The following CCDC88B variants were observed in gnomAD, a reference collection of about 807,000 sequenced individuals.
CCDC88B encodes coiled-coil and HOOK domain protein 88B, also known as coiled-coil domain-containing protein 88B.
CCDC88B carries 138 observed loss-of-function variants against 183.7 expected under a neutral mutation model. The observed-to-expected ratio is 0.75, with a 90% CI of 0.65 to 0.87. CCDC88B has a LOEUF of 0.87. Among genes scored for constraint, CCDC88B ranks in the 40% least tolerant of loss-of-function variants. CCDC88B has a pLI of 0.00. For synonymous variants in CCDC88B, 835 were observed against 867.5 expected (o/e 0.96, Z 0.66); for missense variants, 1,822 against 1,965.6 (o/e 0.93, Z 1.38).
chr11:64,341,483 G>C lies in CCDC88B; in HGVS notation c.510G>C (p.Glu170Asp), dbSNP rs765159929. ...GCCTCAGTCTCGAGGTCCAGAGCGAGCTGGCCGCTGCCATCCAGGAGGTAC... is the reference window on the plus strand; with the variant it reads ...GCCTCAGTCTCGAGGTCCAGAGCGACCTGGCCGCTGCCATCCAGGAGGTAC... ...IQGLSLEVQS[E>D]LAAAIQEVTQ... Residue 170 changes from glutamate (E) to aspartate (D), a missense_variant, in exon 6 of 27, where the codon GAG becomes GAC. By Grantham distance (45) the Glu-to-Asp change is conservative (BLOSUM62 2). Transcript: ENST00000356786. 6 of 1,613,868 alleles carry C rather than the reference G, an allele frequency of 3.7e-6. No homozygotes were observed. The highest frequency in any genetic ancestry group is 2.2e-5 in the South Asian group (2 of 91,082).
At chr11:64,352,022 T>A in intron 18 of CCDC88B, 108 bp from the exon 19 acceptor site, 1 of 1,441,238 alleles carries the variant, frequency 6.9e-7, no homozygotes, top group South Asian at 1.4e-5. Flanking sequence ...CCTCCACAAC[T>A]CTCTCATTGT....
At chr11:64,342,180 G>A in intron 8 of CCDC88B, 41 bp downstream of exon 8, 1 of 1,598,102 alleles carries the variant, frequency 6.3e-7, no homozygotes, top group Non-Finnish European at 8.5e-7. Context: ...AGTGGAGAGG[G>A]GCAGATTAAG....
chr11:64,341,063 G>A (rs1436244286), intron 3 of CCDC88B, 45 bp downstream of exon 3: 2 of 1,613,794 alleles, frequency 1.2e-6, no homozygotes, highest in Non-Finnish European at 1.7e-6. Context: ...GGGAAGAGGA[G>A]CCCCTTCGGG....
intron 14 of CCDC88B, chr11:64,349,041 G>A (rs1292813950): frequency 4.2e-6 from 3 of 717,324 alleles, no homozygotes; most frequent in Non-Finnish European, 7.8e-6. Flanking sequence ...GAAGAACCGT[G>A]GGCTCAGAGA....
At chr11:64,347,611 G>A (rs2036162698) in intron 14 of CCDC88B, among the ~76,000 whole-genome samples, 2 of 152,132 alleles carry the variant, frequency 1.3e-5, no homozygotes, top group Admixed American at 1.3e-4. Context: ...GAAGGTGAGA[G>A]ACCATCTCTG....
intron 10 of CCDC88B, 199 bp downstream of exon 10, chr11:64,342,879 G>A (rs562996940): frequency 1.3e-5 from 7 of 538,766 alleles, no homozygotes; most frequent in African/African-American, 2.0e-5. Context: ...AGGGGAGTGG[G>A]GGGGCTGTGT....
chr11:64,345,645 C>CAT (rs1453805675), intron 14 of CCDC88B, among the ~76,000 whole-genome samples: 2 of 152,162 alleles, frequency 1.3e-5, no homozygotes, highest in African/African-American at 4.8e-5. Context: ...GAGGAGTGAC[C>CAT]ATAATGTCAC....
Position 64,340,592 on chromosome 11 carries a change from C to A in CCDC88B, c.61-15C>A. The A allele has an allele frequency of 1.9e-6, 3 of 1,604,448 alleles. No homozygotes were observed. The highest frequency in any genetic ancestry group is 2.5e-6 in the Non-Finnish European group (3 of 1,177,764). ...TCACTCTGCTGGTCGGCTGACCCCT[C>A]TGGGCTCCTCACAGGCGCTGGGACT... On this transcript the variant is annotated splice_polypyrimidine_tract_variant and intron_variant, in intron 1 of 26. Coordinates refer to ENST00000356786, the MANE Select transcript of CCDC88B (RefSeq NM_032251.6).
chr11:64,355,697 A>G, intron 26 of CCDC88B, 69 bp downstream of exon 26: 1 of 1,398,372 alleles, frequency 7.2e-7, no homozygotes, highest in Non-Finnish European at 9.7e-7. Flanking sequence ...AACCTCATTC[A>G]TCCATTCTTT....
Position 64,354,080 on chromosome 11 carries a change from C to T in CCDC88B, c.4009C>T (p.Arg1337Cys), listed in dbSNP as rs954966079. 2.0e-5 allele frequency: 29 copies of T among 1,424,924 alleles called. No individual in the cohort carries two copies. Among genetic ancestry groups the T allele is most frequent in the South Asian group, 8.7e-5 (5 of 57,634 alleles). The allele number at this position is 1,424,924 out of a possible 1,614,324, so 88.3% of individuals were successfully genotyped here. ...GGAGGGGGGCCCCCCTGGGGGGCTG[C>T]GCCTGGGGGCCGATGGGGCTGGCAG... is the stretch of plus-strand genomic sequence containing the variant. ...RREGGPPGGL[R>C]LGADGAGSTE... Residue 1337 changes from arginine (R) to cysteine (C), a missense_variant, in exon 24 of 27, where the codon CGC (arginine) becomes TGC (cysteine). Transcript: ENST00000356786.
intron 14 of CCDC88B, among the ~76,000 whole-genome samples, chr11:64,345,473 G>T (rs2036072817): frequency 6.6e-6 from 1 of 152,134 alleles, no homozygotes; most frequent in African/African-American, 2.4e-5. Flanking sequence ...TGGCCACCTG[G>T]GGTGGTCTTA....
Position 64,341,744 on chromosome 11 carries a change from T to C in CCDC88B, c.675+2T>C. ...CGGGAGCGTGACCTGGGGGCCCAGG[T>C]AGGGGCAGCAGGGGCATCGTGGACT... On this transcript the variant is annotated splice_donor_variant, in intron 7 of 26. Transcript: ENST00000356786. LOFTEE classifies it high-confidence loss of function. The C allele has an allele frequency of 1.9e-6, 3 of 1,560,344 alleles. No homozygotes were observed. Among genetic ancestry groups the C allele is most frequent in the Non-Finnish European group, 2.6e-6 (3 of 1,156,892 alleles).
intron 26 of CCDC88B, 120 bp from the exon 27 acceptor site, chr11:64,356,919 C>A: frequency 1.1e-6 from 1 of 941,496 alleles, no homozygotes; most frequent in Non-Finnish European, 1.6e-6. Flanking sequence ...CGTGGTGCAG[C>A]TGGAAGCGGG....
Position 64,341,496 on chromosome 11 carries a change from A to T in CCDC88B, c.523A>T (p.Ile175Phe), listed in dbSNP as rs763254241. 2.5e-6 allele frequency: 4 copies of T among 1,613,802 alleles called. No homozygotes were observed. Among genetic ancestry groups the T allele is most frequent in the Non-Finnish European group, 3.4e-6 (4 of 1,180,004 alleles). Residue 175 changes from isoleucine (I) to phenylalanine (F), a missense_variant, in exon 6 of 27, where the codon ATC becomes TTC. Transcript: ENST00000356786. ...GGTCCAGAGCGAGCTGGCCGCTGCCATCCAGGAGGTACTGAGACGGTTCGG... is the reference window on the plus strand; with the variant it reads ...GGTCCAGAGCGAGCTGGCCGCTGCCTTCCAGGAGGTACTGAGACGGTTCGG... ...LEVQSELAAA[I>F]QEVTQPGAGV...
chr11:64,349,401 A>T lies in CCDC88B; in HGVS notation c.2687A>T (p.Glu896Val). 1.2e-6 allele frequency: 2 copies of T among 1,613,506 alleles called. No individual in the cohort carries two copies. Among genetic ancestry groups the T allele is most frequent in the South Asian group, 1.1e-5 (1 of 91,018 alleles). The change falls in exon 15 of 27, where the codon GAG becomes GTG. Residue 896 changes from glutamate (E) to valine (V), a missense_variant. Transcript: ENST00000356786. ...DRLEHLQREL[E>V]QAALERQEFL... Reference sequence around the variant, plus strand: ...CTGGAGCATTTGCAGCGTGAGCTGGAGCAGGCGGCTCTCGAGCGCCAGGAA... The same window carrying T: ...CTGGAGCATTTGCAGCGTGAGCTGGTGCAGGCGGCTCTCGAGCGCCAGGAA...
chr11:64,352,945 TG>T, intron 20 of CCDC88B, 58 bp downstream of exon 20: 1 of 1,512,580 alleles, frequency 6.6e-7, no homozygotes, highest in Non-Finnish European at 8.9e-7. Context: ...GAAAGTGGGT[TG>T]GGGGTGTGGG....
At chr11:64,348,077 G>A (rs1392065377) in intron 14 of CCDC88B, among the ~76,000 whole-genome samples, 3 of 141,348 alleles carry the variant, frequency 2.1e-5, no homozygotes, top group Admixed American at 1.4e-4. Flanking sequence ...AAAAAAAATT[G>A]TACCTGCCTC....
rs1591291065 is a variant in CCDC88B at position 64,349,559 on chromosome 11, G to A, written c.2753G>A (p.Gly918Asp). Residue 918 changes from glycine (G) to aspartate (D), a missense_variant, in exon 16 of 27, where the codon GGC (glycine) becomes GAC (aspartate). Gly to Asp is a moderately conservative substitution (Grantham distance 94). Coordinates refer to ENST00000356786, the MANE Select transcript of CCDC88B (RefSeq NM_032251.6). ...AAGGATTCTCCTGGCAGGTACCAGG[G>A]CTTGGAGCAGCGGCTGGAAGCTGAG... ...EKESQHQRYQ[G>D]LEQRLEAELQ... 1 of 1,600,242 alleles carries A rather than the reference G, an allele frequency of 6.2e-7. No individual in the cohort carries two copies. Among genetic ancestry groups the A allele is most frequent in the East Asian group, 2.3e-5 (1 of 44,316 alleles).
At position 64,354,068 on chromosome 11, in the gene CCDC88B, C is replaced by T; in HGVS notation, c.3997C>T (p.Pro1333Ser). The change falls in exon 24 of 27, where the codon CCT becomes TCT. Residue 1333 changes from proline (P) to serine (S), a missense_variant. By Grantham distance (74) the Pro-to-Ser change is moderately conservative. Coordinates refer to ENST00000356786, the MANE Select transcript of CCDC88B (RefSeq NM_032251.6). ...GCGGCCCCGGCGGGAGGGGGGCCCC[C>T]CTGGGGGGCTGCGCCTGGGGGCCGA... is the stretch of plus-strand genomic sequence containing the variant. ...LMRPRREGGP[P>S]GGLRLGADGA... The T allele has an allele frequency of 6.9e-7, 1 of 1,445,774 alleles. No individual in the cohort carries two copies. The highest frequency in any genetic ancestry group is 1.4e-5 in the African/African-American group (1 of 70,534). 89.6% of individuals were successfully genotyped at this position (1,445,774 alleles called of 1,614,324 possible). A position where few individuals can be genotyped will look rare whatever the true frequency, so the allele number is the denominator to read the frequency against.
Sources: gnomAD v4.1 joint callset for allele counts (sites outside exome capture counted in the v4.1 genomes callset) on GRCh38, gnomAD v4.1.1 for gene constraint, MANE v1.5 for transcripts, NCBI Gene and HGNC (gene_info 2026-07-23, HGNC 2026-07-21) for gene names.